Variants in AUTS2 observed in about 807,000 individuals in gnomAD.
The protein encoded by AUTS2 is activator of transcription and developmental regulator AUTS2, also known as autism susceptibility gene 2 protein.
A neutral mutation model predicts 112.4 loss-of-function variants in AUTS2; 17 were observed. The ratio of observed to expected loss-of-function variants is 0.15; its 90% confidence interval spans 0.10 to 0.23. The LOEUF is 0.23. Among genes scored for constraint, AUTS2 ranks in the 10% least tolerant of loss-of-function variants. The pLI is 1.00. For missense variants in AUTS2, 1,510 were observed against 1,701.6 expected (o/e 0.89, Z 1.98); for synonymous variants, 751 against 702.7 (o/e 1.07, Z -1.09).
At chr7:69,605,995 A>G (rs1792693073) in intron 1 of AUTS2, among the ~76,000 whole-genome samples, 1 of 152,250 alleles carries the variant, frequency 6.6e-6, no homozygotes, top group Non-Finnish European at 1.5e-5. Flanking sequence ...ACGTTGTGAT[A>G]TGATGATTCC....
At chr7:69,644,877 A>G (rs1419811653) in intron 1 of AUTS2, among the ~76,000 whole-genome samples, 2 of 152,046 alleles carry the variant, frequency 1.3e-5, no homozygotes, top group Admixed American at 6.6e-5. Flanking sequence ...AAATCTCACC[A>G]TCTTTCTTCT....
At chr7:70,243,232 TGTGTG>T (rs1163148396) in intron 4 of AUTS2, among the ~76,000 whole-genome samples, 11 of 6,442 alleles carry the variant, frequency 1.7e-3, no homozygotes, top group African/African-American at 5.0e-3. Flanking sequence ...AATGTATCCT[TGTGTG>T]TGTGTGTGTG....
chr7:69,961,335 G>C (rs1217809209), intron 2 of AUTS2, among the ~76,000 whole-genome samples: 1 of 152,106 alleles, frequency 6.6e-6, no homozygotes, highest in African/African-American at 2.4e-5. Flanking sequence ...TAAGGGGAAA[G>C]TGCTTCCCTG....
intron 1 of AUTS2, among the ~76,000 whole-genome samples, chr7:69,676,841 T>C (rs2129163411): frequency 6.6e-6 from 1 of 151,804 alleles, no homozygotes. Flanking sequence ...TTTAAAGTAT[T>C]CTGAAACTGT....
chr7:70,283,965 G>GT (rs1277029130), intron 4 of AUTS2, among the ~76,000 whole-genome samples: 6 of 152,220 alleles, frequency 3.9e-5, no homozygotes, highest in Non-Finnish European at 5.9e-5. Flanking sequence ...CAATCCCGTA[G>GT]TTTATCTAAT....
intron 7 of AUTS2, among the ~76,000 whole-genome samples, chr7:70,764,000 A>G (rs1789741733): frequency 2.0e-5 from 3 of 152,210 alleles, no homozygotes; most frequent in Admixed American, 2.0e-4. Flanking sequence ...CAGCAAAGAA[A>G]AGAGAGGCAG....
At chr7:70,706,699 C>CT (rs1048705791) in intron 6 of AUTS2, among the ~76,000 whole-genome samples, 9 of 151,598 alleles carry the variant, frequency 5.9e-5, no homozygotes, top group African/African-American at 2.2e-4. Context: ...AAATTAAATG[C>CT]TTTTTTATTG....
At chr7:70,617,799 T>C (rs373709557) in intron 5 of AUTS2, among the ~76,000 whole-genome samples, 8 of 152,234 alleles carry the variant, frequency 5.3e-5, no homozygotes, top group African/African-American at 1.7e-4. Context: ...ATCATGGTTT[T>C]GTGAAATCTA....
At chr7:70,661,339 G>A (rs1405436080) in intron 5 of AUTS2, among the ~76,000 whole-genome samples, 1 of 152,178 alleles carries the variant, frequency 6.6e-6, no homozygotes, top group Non-Finnish European at 1.5e-5. Context: ...GGAATGAGGG[G>A]AAGGTAGTCC....
At chr7:70,214,719 GT>G (rs1811086286) in intron 4 of AUTS2, among the ~76,000 whole-genome samples, 1 of 152,126 alleles carries the variant, frequency 6.6e-6, no homozygotes, top group Non-Finnish European at 1.5e-5. Context: ...TCTGTGGAAG[GT>G]TTCTGGAATG....
intron 1 of AUTS2, among the ~76,000 whole-genome samples, chr7:69,627,657 G>C (rs961668119): frequency 6.6e-6 from 1 of 152,012 alleles, no homozygotes; most frequent in African/African-American, 2.4e-5. Context: ...GGCATCCTGT[G>C]GATTAAGAGT....
At chr7:70,483,176 G>C (rs1797856629) in intron 5 of AUTS2, among the ~76,000 whole-genome samples, 1 of 152,090 alleles carries the variant, frequency 6.6e-6, no homozygotes, top group Non-Finnish European at 1.5e-5. Context: ...CCCACCAGGG[G>C]AGCTCATGAC....
chr7:70,127,218 T>A (rs1584762174), intron 3 of AUTS2, among the ~76,000 whole-genome samples: 1 of 152,026 alleles, frequency 6.6e-6, no homozygotes, highest in East Asian at 1.9e-4. Flanking sequence ...ACTGCAACCT[T>A]GACCTCCTGG....
chr7:70,685,752 G>C (rs1808444207), intron 5 of AUTS2, among the ~76,000 whole-genome samples: 1 of 152,202 alleles, frequency 6.6e-6, no homozygotes, highest in East Asian at 1.9e-4. Flanking sequence ...GCCTAAAATG[G>C]CTAAAATGCC....
chr7:70,634,204 G>A (rs78122686), intron 5 of AUTS2, among the ~76,000 whole-genome samples: 1 of 152,170 alleles, frequency 6.6e-6, no homozygotes, highest in East Asian at 1.9e-4. Flanking sequence ...TGGGAGTGCT[G>A]GAGTGGGAAG....
intron 6 of AUTS2, among the ~76,000 whole-genome samples, chr7:70,740,351 C>T (rs1225717378): frequency 6.6e-6 from 1 of 152,172 alleles, no homozygotes; most frequent in African/African-American, 2.4e-5. Context: ...ATCATTTCAG[C>T]TTGTTAAACT....
At chr7:70,547,113 T>C (rs1422725314) in intron 5 of AUTS2, among the ~76,000 whole-genome samples, 1 of 152,182 alleles carries the variant, frequency 6.6e-6, no homozygotes, top group Admixed American at 6.5e-5. Context: ...TAGAACATTT[T>C]CATCATTCCA....
chr7:69,752,028 A>G (rs1051648042), intron 1 of AUTS2, among the ~76,000 whole-genome samples: 3 of 152,186 alleles, frequency 2.0e-5, no homozygotes, highest in Non-Finnish European at 4.4e-5. Flanking sequence ...TGCCTCATCC[A>G]TCTCTCTGTC....
intron 2 of AUTS2, among the ~76,000 whole-genome samples, chr7:70,069,231 A>G (rs1192864780): frequency 1.3e-5 from 2 of 152,206 alleles, no homozygotes; most frequent in East Asian, 1.9e-4. Context: ...GGATAGAGCT[A>G]GTAGGCCTCT....
Sources: allele counts gnomAD v4.1 joint callset (sites outside exome capture counted in the v4.1 genomes callset), GRCh38; gene constraint gnomAD v4.1.1; transcripts MANE v1.5; gene names NCBI Gene and HGNC (gene_info 2026-07-23, HGNC 2026-07-21).